YTHDF2: variants seen among roughly 807,000 people sequenced by gnomAD.
YTHDF2 encodes the protein YTH N6-methyladenosine RNA binding protein F2.
Under a neutral mutation model 50.4 loss-of-function variants are expected in YTHDF2, and 2 were observed. The observed-to-expected ratio is 0.04, with a 90% CI of 0.02 to 0.12. YTHDF2 has a LOEUF of 0.12. Among genes scored for constraint, YTHDF2 ranks in the 10% least tolerant of loss-of-function variants. The probability of loss-of-function intolerance (pLI) is 1.00; values close to 1 mark genes in which losing one functional copy is unlikely to be tolerated. For synonymous variants in YTHDF2, 217 were observed against 255.6 expected (o/e 0.85, Z 1.44); for missense variants, 483 against 722.6 (o/e 0.67, Z 3.80).
chr1:28,746,741 TAGAG>T (rs746313162), intron 4 of YTHDF2, among the ~76,000 whole-genome samples: 104 of 147,330 alleles, frequency 7.1e-4, no homozygotes, highest in African/African-American at 2.2e-3. Flanking sequence ...GCCTGGGCGA[TAGAG>T]AGAGACTCTG....
At chr1:28,747,884 G>C (rs1188731159) in intron 4 of YTHDF2, among the ~76,000 whole-genome samples, 1 of 151,532 alleles carries the variant, frequency 6.6e-6, no homozygotes, top group South Asian at 2.1e-4. Flanking sequence ...ACAGCACTTT[G>C]GGAGGCTGAG....
chr1:28,748,044 C>T (rs2087891783), intron 4 of YTHDF2, among the ~76,000 whole-genome samples: 1 of 151,234 alleles, frequency 6.6e-6, no homozygotes, highest in African/African-American at 2.4e-5. Context: ...AGGAGAATGG[C>T]GTGAACCCAG....
chr1:28,739,516 T>C (rs1322695293), intron 3 of YTHDF2, among the ~76,000 whole-genome samples: 1 of 151,772 alleles, frequency 6.6e-6, no homozygotes, highest in Non-Finnish European at 1.5e-5. Context: ...CCCAATCTGG[T>C]CTTGAATTCC....
chr1:28,764,052 C>T (rs975271163), intron 4 of YTHDF2, among the ~76,000 whole-genome samples: 18 of 151,092 alleles, frequency 1.2e-4, no homozygotes, highest in African/African-American at 4.1e-4. Context: ...CAGGTTCAAG[C>T]GATTTTCCTG....
rs529090658 is a variant in YTHDF2 at position 28,744,391 on chromosome 1, G to T, written c.1716+405G>T. On this transcript the variant is annotated intron_variant, in intron 4 of 4. Coordinates refer to ENST00000373812, the MANE Select transcript of YTHDF2 (RefSeq NM_016258.3). ...TTCTCTGTTGGATTAACTTGGCCTAGCTGGGGTTTTGTGGTTATTTTCAAG... is the reference window on the plus strand; with the variant it reads ...TTCTCTGTTGGATTAACTTGGCCTATCTGGGGTTTTGTGGTTATTTTCAAG... Among the ~76,000 whole-genome samples the T allele has an allele frequency of 8.5e-5, 13 of 152,306 alleles. No individual in the cohort carries two copies. The East Asian group carries it at 2.3e-3, about 27-fold the overall frequency.
chr1:28,749,421 C>T (rs1054817158), intron 4 of YTHDF2, among the ~76,000 whole-genome samples: 1 of 152,094 alleles, frequency 6.6e-6, no homozygotes, highest in African/African-American at 2.4e-5. Context: ...ACCTCATGAT[C>T]TGCCCGCCCC....
intron 4 of YTHDF2, among the ~76,000 whole-genome samples, chr1:28,757,399 A>ATCC (rs2124195465): frequency 6.6e-6 from 1 of 151,498 alleles, no homozygotes; most frequent in East Asian, 1.9e-4. Context: ...TGTTGGATAT[A>ATCC]GAGTGGGAAG....
intron 4 of YTHDF2, among the ~76,000 whole-genome samples, chr1:28,749,206 A>G (rs1396585191): frequency 1.1e-5 from 1 of 92,712 alleles, no homozygotes; most frequent in Admixed American, 1.5e-4. Flanking sequence ...TTTTTTTGAT[A>G]CGGGAGTCTC....
rs145037902 is a variant in YTHDF2 at position 28,765,901 on chromosome 1, T to C, written c.1717-3028T>C. On this transcript the variant is annotated intron_variant, in intron 4 of 4. Transcript: ENST00000373812. ...TTCTCCTAGGTATTTTAGTGTGTAGTTCCCAAGAACAAAGACATGCAGTTA... is the reference window on the plus strand; with the variant it reads ...TTCTCCTAGGTATTTTAGTGTGTAGCTCCCAAGAACAAAGACATGCAGTTA... Among the ~76,000 whole-genome samples, 5 of 152,330 alleles carry C rather than the reference T, an allele frequency of 3.3e-5. No individual in the cohort carries two copies. The East Asian group carries it at 9.6e-4, about 29-fold the overall frequency.
chr1:28,760,871 C>T (rs1371633319), intron 4 of YTHDF2, among the ~76,000 whole-genome samples: 3 of 152,060 alleles, frequency 2.0e-5, no homozygotes, highest in East Asian at 1.9e-4. Flanking sequence ...TGAACCACTG[C>T]GCCTGGCCGA....
intron 4 of YTHDF2, 98 bp downstream of exon 4, chr1:28,744,084 T>C: frequency 7.8e-7 from 1 of 1,276,570 alleles, no homozygotes; most frequent in Non-Finnish European, 1.0e-6. Context: ...ACTCTGTAAA[T>C]GAATACAGTA....
intron 4 of YTHDF2, among the ~76,000 whole-genome samples, chr1:28,762,285 G>T (rs1053457857): frequency 6.6e-6 from 1 of 152,004 alleles, no homozygotes; most frequent in Non-Finnish European, 1.5e-5. Flanking sequence ...CCAGCTACTC[G>T]GGAGGCTGAG....
At chr1:28,759,099 C>T (rs1319588131) in intron 4 of YTHDF2, among the ~76,000 whole-genome samples, 1 of 152,090 alleles carries the variant, frequency 6.6e-6, no homozygotes, top group African/African-American at 2.4e-5. Context: ...TCTTGTTCTC[C>T]CTTACCTACT....
At chr1:28,768,017 A>G (rs1182769934) in intron 4 of YTHDF2, among the ~76,000 whole-genome samples, 1 of 149,028 alleles carries the variant, frequency 6.7e-6, no homozygotes, top group Non-Finnish European at 1.5e-5. Context: ...CCTGGCCAAC[A>G]TGGTGAAACC....
intron 4 of YTHDF2, among the ~76,000 whole-genome samples, chr1:28,744,303 A>C (rs960614491): frequency 2.6e-5 from 4 of 152,252 alleles, no homozygotes; most frequent in African/African-American, 9.6e-5. Flanking sequence ...AATGGAAGTG[A>C]TAAAACCATA....
intron 4 of YTHDF2, among the ~76,000 whole-genome samples, chr1:28,750,949 C>G (rs6704385): frequency 1.3e-5 from 2 of 151,644 alleles, no homozygotes; most frequent in Admixed American, 1.3e-4. Flanking sequence ...AAAAATTAGC[C>G]AGGCGTGGTG....
intron 3 of YTHDF2, among the ~76,000 whole-genome samples, chr1:28,739,872 T>G (rs867844927): frequency 1.3e-5 from 2 of 152,188 alleles, no homozygotes; most frequent in African/African-American, 4.8e-5. Flanking sequence ...GTTACACTGT[T>G]GTAACTAATT....
At chr1:28,747,520 G>A (rs1463610116) in intron 4 of YTHDF2, among the ~76,000 whole-genome samples, 1 of 94,538 alleles carries the variant, frequency 1.1e-5, no homozygotes, top group African/African-American at 3.6e-5. Context: ...AGCAAAACTT[G>A]TCTAAAAAAA....
chr1:28,756,995 T>C (rs534378417), intron 4 of YTHDF2, among the ~76,000 whole-genome samples: 1 of 152,338 alleles, frequency 6.6e-6, no homozygotes, highest in African/African-American at 2.4e-5. Flanking sequence ...GATCGTTGCT[T>C]CTTTCTCCTA....
Sources: gnomAD v4.1 joint callset for allele counts (sites outside exome capture counted in the v4.1 genomes callset) on GRCh38, gnomAD v4.1.1 for gene constraint, MANE v1.5 for transcripts, NCBI Gene and HGNC (gene_info 2026-07-23, HGNC 2026-07-21) for gene names.